The following RBFOX1 variants were observed in gnomAD, a reference collection of about 807,000 sequenced individuals.
RBFOX1 encodes RNA binding protein fox-1 homolog 1.
Under a neutral mutation model 57.7 loss-of-function variants are expected in RBFOX1, and 8 were observed. That is an observed-to-expected ratio of 0.14 (90% CI 0.08 to 0.25). RBFOX1 has a LOEUF of 0.25. RBFOX1 is among the 10% of genes least tolerant of loss of function. The pLI is 1.00. For synonymous variants in RBFOX1, 326 were observed against 222.4 expected (o/e 1.47, Z -4.15); for missense variants, 611 against 548.5 (o/e 1.11, Z -1.14).
At chr16:6,647,173 CAGAGAG>C (rs140389660) in intron 2 of RBFOX1, among the ~76,000 whole-genome samples, 11 of 150,624 alleles carry the variant, frequency 7.3e-5, no homozygotes, top group Non-Finnish European at 1.3e-4. Context: ...CTTACGCTAC[CAGAGAG>C]AGAGAGAGAG....
At chr16:5,958,783 A>G (rs76571829) in intron 4 of RBFOX1, among the ~76,000 whole-genome samples, 17,299 of 152,124 alleles carry the variant, frequency 0.11, 1,314 homozygotes, top group East Asian at 0.17. Flanking sequence ...ACCCACCCAC[A>G]TTCCTTGGCT....
chr16:6,782,040 C>T (rs2081107540), intron 3 of RBFOX1, among the ~76,000 whole-genome samples: 1 of 152,030 alleles, frequency 6.6e-6, no homozygotes, highest in Non-Finnish European at 1.5e-5. Context: ...CGGAGCCTTG[C>T]TCTGTCACTG....
intron 4 of RBFOX1, among the ~76,000 whole-genome samples, chr16:7,076,456 G>C (rs1040372742): frequency 2.0e-5 from 3 of 151,828 alleles, no homozygotes; most frequent in Admixed American, 2.0e-4. Flanking sequence ...TAAGAAAATA[G>C]GATATACCAG....
At chr16:5,584,213 C>A (rs1313912342) in intron 2 of RBFOX1, among the ~76,000 whole-genome samples, 1 of 152,226 alleles carries the variant, frequency 6.6e-6, no homozygotes, top group Non-Finnish European at 1.5e-5. Context: ...TTATTTTACA[C>A]TTCACTTGTT....
chr16:6,329,846 G>A (rs1391103516), intron 2 of RBFOX1, among the ~76,000 whole-genome samples: 1 of 152,168 alleles, frequency 6.6e-6, no homozygotes, highest in Non-Finnish European at 1.5e-5. Context: ...GCTGAGGTAG[G>A]AGAATCACTT....
intron 4 of RBFOX1, among the ~76,000 whole-genome samples, chr16:7,223,418 C>G (rs2092875889): frequency 6.6e-6 from 1 of 152,112 alleles, no homozygotes; most frequent in African/African-American, 2.4e-5. Context: ...AAAAGATAAA[C>G]CAAATCAAAA....
Position 7,619,766 on chromosome 16 carries a change from AT to A in RBFOX1, c.677-10827del, listed in dbSNP as rs541996244. On this transcript the variant is annotated intron_variant, in intron 10 of 15. Coordinates refer to ENST00000550418, the MANE Select transcript of RBFOX1 (RefSeq NM_018723.4). ...GTTTTCAGTTGAATGACAGTTTCTA[AT>A]TTTTTTTTTCCTAATCAGAGATTGC... Among the ~76,000 whole-genome samples, 244 of 150,706 alleles carry A rather than the reference AT, an allele frequency of 1.6e-3. 1 individual carries two copies. Among genetic ancestry groups the A allele is most frequent in the African/African-American group, 5.3e-3 (216 of 41,116 alleles).
rs563465761 is a variant in RBFOX1, at chr16:7,351,705, C to T, written c.28-166442C>T. On this transcript the variant is annotated intron_variant, in intron 4 of 15. Coordinates refer to ENST00000550418, the MANE Select transcript of RBFOX1 (RefSeq NM_018723.4). ...TGCCTTAGAGACACCTGGTACTTTA[C>T]TCTCCCATGCCCTAAATACCCATGT... 3.3e-5 allele frequency among the ~76,000 whole-genome samples: 5 copies of T among 152,260 alleles called. No homozygotes were observed. In the South Asian group the frequency reaches 1.0e-3, roughly 32 times the overall value.
In RBFOX1 at chr16:6,850,827, G is replaced by T. The variant is rs142570396; in HGVS notation, c.-16+196177G>T. ...GAAAATCATCTCTCATTTTCTTGTA[G>T]AACTAAGCATGCACCTCCCATATAA... is the stretch of plus-strand genomic sequence containing the variant. On this transcript the variant is annotated intron_variant, in intron 3 of 15. Transcript: ENST00000550418. Among the ~76,000 whole-genome samples, 841 of 152,242 alleles carry T rather than the reference G, an allele frequency of 5.5e-3. 14 individuals carry two copies. The highest frequency in any genetic ancestry group is 0.019 in the African/African-American group (807 of 41,542).
intron 2 of RBFOX1, among the ~76,000 whole-genome samples, chr16:6,642,569 G>A (rs952120219): frequency 6.6e-6 from 1 of 151,922 alleles, no homozygotes. Context: ...AGATATGGAA[G>A]CCTCTTGTCC....
At chr16:5,854,607 CAT>C (rs1555547130) in intron 3 of RBFOX1, among the ~76,000 whole-genome samples, 2 of 151,598 alleles carry the variant, frequency 1.3e-5, no homozygotes, top group Non-Finnish European at 2.9e-5. Flanking sequence ...CACACACACA[CAT>C]GCACACCACA....
chr16:5,599,449 G>T (rs902198003), exon 3 of RBFOX1: 15 of 547,204 alleles, frequency 2.7e-5, no homozygotes, highest in Non-Finnish European at 4.8e-5. Flanking sequence ...GAATTCCCGT[G>T]TATCCCTCAT....
chr16:6,604,596 A>C (rs12447099), intron 2 of RBFOX1, among the ~76,000 whole-genome samples: 7 of 152,182 alleles, frequency 4.6e-5, no homozygotes, highest in African/African-American at 7.2e-5. Context: ...AATGGTGGCA[A>C]GCTCTTAATT....
chr16:5,253,991 C>T (rs2062521437), intron 1 of RBFOX1, among the ~76,000 whole-genome samples: 1 of 151,864 alleles, frequency 6.6e-6, no homozygotes, highest in Non-Finnish European at 1.5e-5. Context: ...GTGGTAGACA[C>T]TAGCTCAGGT....
chr16:6,459,577 C>G (rs749637355), intron 2 of RBFOX1, among the ~76,000 whole-genome samples: 5 of 152,098 alleles, frequency 3.3e-5, no homozygotes, highest in Non-Finnish European at 5.9e-5. Flanking sequence ...TACCCTATAT[C>G]TCATGCTTCT....
chr16:6,328,675 A>G (rs2082656195), intron 2 of RBFOX1, among the ~76,000 whole-genome samples: 1 of 152,196 alleles, frequency 6.6e-6, no homozygotes, highest in African/African-American at 2.4e-5. Context: ...CTCCAGTTTC[A>G]TCTTCTCTCA....
intron 1 of RBFOX1, among the ~76,000 whole-genome samples, chr16:6,032,784 C>G (rs1338972000): frequency 6.6e-6 from 1 of 151,812 alleles, no homozygotes; most frequent in Non-Finnish European, 1.5e-5. Context: ...GAAGGACCAG[C>G]AGAATTTATG....
At chr16:7,377,106 C>T (rs1442100620) in intron 4 of RBFOX1, among the ~76,000 whole-genome samples, 1 of 152,182 alleles carries the variant, frequency 6.6e-6, no homozygotes, top group Non-Finnish European at 1.5e-5. Context: ...TGATATCTTA[C>T]ATGAAGGTAA....
intron 1 of RBFOX1, among the ~76,000 whole-genome samples, chr16:6,176,244 C>T (rs1002062598): frequency 6.6e-6 from 1 of 151,090 alleles, no homozygotes; most frequent in Non-Finnish European, 1.5e-5. Flanking sequence ...CTCCCCAGTT[C>T]AAGTAATTCT....
Sources: allele counts gnomAD v4.1 joint callset (sites outside exome capture counted in the v4.1 genomes callset), GRCh38; gene constraint gnomAD v4.1.1; transcripts MANE v1.5; gene names NCBI Gene and HGNC (gene_info 2026-07-23, HGNC 2026-07-21).